KIDINS220: variants seen among roughly 807,000 people sequenced by gnomAD.
KIDINS220 encodes the protein kinase D interacting substrate 220.
In KIDINS220, 63 loss-of-function variants were observed where a neutral mutation model predicts 157.6. The observed-to-expected ratio is 0.40, with a 90% CI of 0.33 to 0.49. The LOEUF (loss-of-function observed/expected upper bound fraction) is 0.49, where lower values mean the gene tolerates loss of function less well. KIDINS220 is among the 20% of genes least tolerant of loss of function. KIDINS220 has a pLI of 0.66. For missense variants in KIDINS220, 1,772 were observed against 2,171.2 expected (o/e 0.82, Z 3.65); for synonymous variants, 732 against 783.6 (o/e 0.93, Z 1.10).
intron 1 of KIDINS220, 45 bp from the exon 2 acceptor site, chr2:8,827,174 T>G (rs1678928058): frequency 1.4e-6 from 1 of 736,382 alleles, no homozygotes; most frequent in African/African-American, 1.8e-5. Context: ...TTAGAAAAAA[T>G]TAAGTTACTA....
chr2:8,791,199 G>T lies in KIDINS220; in HGVS notation c.1302C>A (p.Asp434Glu). The T allele has an allele frequency of 1.2e-6, 2 of 1,613,464 alleles. No homozygotes were observed. Among genetic ancestry groups the T allele is most frequent in the South Asian group, 2.2e-5 (2 of 90,984 alleles). Residue 434 changes from aspartate (D) to glutamate (E), a missense_variant, in exon 13 of 30, where the codon GAC (aspartate) becomes GAA (glutamate). By Grantham distance (45) the Asp-to-Glu change is conservative. This residue lies in a region of KIDINS220 where 725 missense variants were observed against 1,017.1 expected (regional missense o/e 0.71). Transcript: ENST00000256707. ...GARHLSPTETDGDMLGYDLYS... is the reference protein window; with the variant it reads ...GARHLSPTETEGDMLGYDLYS... ...ATAAATCATATCCAAGCATGTCACC[G>T]TCTGTTTCAGTAGGAGACAAGTGTC...
chr2:8,798,412 G>A, intron 9 of KIDINS220, 112 bp from the exon 10 acceptor site: 1 of 645,674 alleles, frequency 1.5e-6, no homozygotes, highest in Non-Finnish European at 2.7e-6. Context: ...CAGCATGGTA[G>A]GAAATACTAT....
At chr2:8,790,973 G>A in intron 13 of KIDINS220, 87 bp downstream of exon 13, 2 of 1,241,282 alleles carry the variant, frequency 1.6e-6, no homozygotes, top group Non-Finnish European at 1.1e-6. Flanking sequence ...TGCTTATACA[G>A]AAAGTGGTCT....
chr2:8,728,825 G>C (rs568979999), downstream of KIDINS220: 1 of 983,822 alleles, frequency 1.0e-6, no homozygotes, highest in East Asian at 1.1e-4. Flanking sequence ...GAACCTGAAA[G>C]TCTTTAACAA....
chr2:8,776,555 C>G (rs914813438), intron 21 of KIDINS220, among the ~76,000 whole-genome samples, 193 bp downstream of exon 21: 1 of 152,138 alleles, frequency 6.6e-6, no homozygotes, highest in Non-Finnish European at 1.5e-5. Context: ...ATACAGCCGA[C>G]AGTTGATAAT....
chr2:8,823,659 C>T (rs1235571412), intron 2 of KIDINS220, among the ~76,000 whole-genome samples: 2 of 152,112 alleles, frequency 1.3e-5, no homozygotes, highest in Non-Finnish European at 2.9e-5. Context: ...TATTGATGTG[C>T]TATTTTTTCC....
intron 17 of KIDINS220, among the ~76,000 whole-genome samples, chr2:8,783,758 T>C (rs1267858322): frequency 6.6e-6 from 1 of 152,072 alleles, no homozygotes; most frequent in Non-Finnish European, 1.5e-5. Flanking sequence ...TAACAAAATA[T>C]GTATAAGATC....
chr2:8,778,787 A>C, intron 19 of KIDINS220, 60 bp from the exon 20 acceptor site: 1 of 1,589,030 alleles, frequency 6.3e-7, no homozygotes, highest in Non-Finnish European at 8.6e-7. Context: ...TATGATATTT[A>C]AAGAAATGTG....
chr2:8,818,060 T>C (rs922097726), intron 3 of KIDINS220, among the ~76,000 whole-genome samples: 3 of 152,178 alleles, frequency 2.0e-5, no homozygotes, highest in African/African-American at 7.2e-5. Flanking sequence ...TAAATTGGAA[T>C]TAAAGAGACT....
At chr2:8,824,866 C>T (rs1037482838) in intron 2 of KIDINS220, among the ~76,000 whole-genome samples, 2 of 152,232 alleles carry the variant, frequency 1.3e-5, no homozygotes, top group Non-Finnish European at 1.5e-5. Flanking sequence ...AATCCTGTTA[C>T]GTGCTATAAC....
chr2:8,809,813 C>A (rs1280068892), intron 6 of KIDINS220, among the ~76,000 whole-genome samples: 2 of 151,994 alleles, frequency 1.3e-5, no homozygotes, highest in African/African-American at 2.4e-5. Context: ...TCAATCCCAC[C>A]GTGTACTATT....
chr2:8,813,212 A>G, intron 5 of KIDINS220, 25 bp downstream of exon 5: 1 of 1,568,012 alleles, frequency 6.4e-7, no homozygotes. Flanking sequence ...TTATAATACA[A>G]ACAAATTTTT....
At chr2:8,739,603 A>C (rs1312188442) in intron 26 of KIDINS220, among the ~76,000 whole-genome samples, 4 of 152,164 alleles carry the variant, frequency 2.6e-5, no homozygotes, top group Non-Finnish European at 5.9e-5. Flanking sequence ...CATATTCAAT[A>C]ATTCAGTAGG....
Position 8,751,598 on chromosome 2 carries a change from C to G in KIDINS220, c.3058G>C (p.Glu1020Gln). The change falls in exon 23 of 30, where the codon GAA becomes CAA. Residue 1020 changes from glutamate to glutamine, a missense_variant. Physicochemically the swap from Glu to Gln is conservative, Grantham distance 29. Coordinates refer to ENST00000256707, the MANE Select transcript of KIDINS220 (RefSeq NM_020738.4). Reference sequence around the variant, plus strand: ...AAATTTCTTATATCTCCATCAATTTCAAGAAGTGGCTCAACATCCTTAGTT... The same window carrying G: ...AAATTTCTTATATCTCCATCAATTTGAAGAAGTGGCTCAACATCCTTAGTT... ...PTTKDVEPLL[E>Q]IDGDIRNFEV... 1 of 1,610,056 alleles carries G rather than the reference C, an allele frequency of 6.2e-7. No individual in the cohort carries two copies. The highest frequency in any genetic ancestry group is 8.5e-7 in the Non-Finnish European group (1 of 1,177,632).
At chr2:8,757,959 A>T (rs4669336) in intron 22 of KIDINS220, among the ~76,000 whole-genome samples, 147,232 of 152,280 alleles carry the variant, frequency 0.97, 71,225 homozygotes, top group Middle Eastern at 0.99. Context: ...GCCTCCTGGG[A>T]TCAAGCAATT....
chr2:8,756,647 AAT>A (rs1360410433), intron 22 of KIDINS220, among the ~76,000 whole-genome samples: 1 of 152,126 alleles, frequency 6.6e-6, no homozygotes, highest in Non-Finnish European at 1.5e-5. Context: ...TTGGTTTGCA[AAT>A]GATCTTCTTC....
downstream of KIDINS220, among the ~76,000 whole-genome samples, chr2:8,726,326 C>T (rs535281403): frequency 8.7e-4 from 132 of 152,330 alleles, 1 homozygote; most frequent in African/African-American, 2.6e-3. Flanking sequence ...CACGTGTGTG[C>T]GACACACACC....
intron 11 of KIDINS220, among the ~76,000 whole-genome samples, chr2:8,795,512 T>C (rs1480178300): frequency 6.6e-6 from 1 of 152,232 alleles, no homozygotes; most frequent in African/African-American, 2.4e-5. Flanking sequence ...AAATTCTCTA[T>C]GAAGATCCAG....
chr2:8,727,143 T>A (rs1291599519), downstream of KIDINS220: 4 of 1,132,920 alleles, frequency 3.5e-6, no homozygotes, highest in Non-Finnish European at 3.3e-6. Flanking sequence ...GGATAGGGAG[T>A]ACCACAGCCT....
Sources: allele counts gnomAD v4.1 joint callset (sites outside exome capture counted in the v4.1 genomes callset), GRCh38; gene constraint gnomAD v4.1.1; regional missense constraint gnomAD v4.1.1; transcripts MANE v1.5; gene names NCBI Gene and HGNC (gene_info 2026-07-23, HGNC 2026-07-21).